PCDH15: variants seen among roughly 807,000 people sequenced by gnomAD.
PCDH15 encodes protocadherin-15.
Under a neutral mutation model 178.5 loss-of-function variants are expected in PCDH15, and 129 were observed. That is an observed-to-expected ratio of 0.72 (90% CI 0.63 to 0.84). PCDH15 has a LOEUF of 0.84. Ranked by LOEUF, PCDH15 falls within the 40% of genes least tolerant of loss-of-function variation. The pLI is 0.00. For missense variants in PCDH15, 2,230 were observed against 2,099.9 expected (o/e 1.06, Z -1.21); for synonymous variants, 800 against 732.0 (o/e 1.09, Z -1.50).
chr10:55,351,303 T>C (rs1268747018), intron 2 of PCDH15, among the ~76,000 whole-genome samples: 2 of 151,852 alleles, frequency 1.3e-5, no homozygotes, highest in African/African-American at 4.8e-5. Context: ...CTATTTGAAA[T>C]TGGCTTCAGA....
chr10:55,238,897 C>A (rs1219237640), intron 1 of PCDH15, among the ~76,000 whole-genome samples: 2 of 151,976 alleles, frequency 1.3e-5, no homozygotes, highest in African/African-American at 4.8e-5. Flanking sequence ...AAGCACAATT[C>A]CACTCTTTTA....
chr10:55,227,781 GAC>G (rs950487422), intron 1 of PCDH15, among the ~76,000 whole-genome samples: 2 of 152,098 alleles, frequency 1.3e-5, no homozygotes, highest in African/African-American at 4.8e-5. Context: ...TCATTAACAA[GAC>G]ACATGTATTA....
At chr10:55,042,767 A>T (rs1564742324) in intron 2 of PCDH15, among the ~76,000 whole-genome samples, 2 of 152,180 alleles carry the variant, frequency 1.3e-5, no homozygotes, top group Non-Finnish European at 1.5e-5. Context: ...AGTGACAGAG[A>T]AGAGGCCGCC....
chr10:54,951,568 G>T (rs895295209), intron 2 of PCDH15, among the ~76,000 whole-genome samples: 22 of 151,880 alleles, frequency 1.4e-4, no homozygotes, highest in African/African-American at 5.1e-4. Context: ...CCACATATGG[G>T]CAAAGATGAA....
At chr10:54,742,237 C>T (rs1007130851) in intron 1 of PCDH15, among the ~76,000 whole-genome samples, 4 of 151,970 alleles carry the variant, frequency 2.6e-5, no homozygotes, top group African/African-American at 9.7e-5. Flanking sequence ...AAGAAGTGGT[C>T]TATGTGGGAG....
intron 20 of PCDH15, among the ~76,000 whole-genome samples, chr10:54,009,688 C>T (rs1322744982): frequency 6.6e-6 from 1 of 152,188 alleles, no homozygotes; most frequent in African/African-American, 2.4e-5. Context: ...ACTGCCCACC[C>T]TGGGGTGGCA....
chr10:54,601,542 ATATG>A (rs2092533886), intron 2 of PCDH15, among the ~76,000 whole-genome samples: 1 of 152,022 alleles, frequency 6.6e-6, no homozygotes, highest in Non-Finnish European at 1.5e-5. Flanking sequence ...AGAAAGTAGC[ATATG>A]TTGGCCTGGT....
intron 2 of PCDH15, among the ~76,000 whole-genome samples, chr10:55,558,856 T>C (rs1472571976): frequency 6.6e-6 from 1 of 152,156 alleles, no homozygotes; most frequent in Non-Finnish European, 1.5e-5. Context: ...ATGTATTTGT[T>C]ATTTTTGTTG....
At chr10:54,703,126 C>T (rs1297794918) in intron 1 of PCDH15, among the ~76,000 whole-genome samples, 1 of 151,988 alleles carries the variant, frequency 6.6e-6, no homozygotes, top group African/African-American at 2.4e-5. Flanking sequence ...CACAACAAAT[C>T]CACATGATCA....
In PCDH15 at chr10:54,692,100, T is replaced by C. The variant is rs958710159; in HGVS notation, c.-28-27810A>G. 1.1e-4 allele frequency among the ~76,000 whole-genome samples: 16 copies of C among 152,294 alleles called. No homozygotes were observed. In the South Asian group the frequency reaches 3.3e-3, roughly 32 times the overall value. On this transcript the variant is annotated intron_variant, in intron 1 of 37. Coordinates refer to ENST00000644397, the MANE Select transcript of PCDH15 (RefSeq NM_001384140.1). Reference sequence around the variant, plus strand: ...TGCTGCTGAGAGGAAAATAAGAATATGCAATTTGAAGGCATGGCTTGTAGT... The same window carrying C: ...TGCTGCTGAGAGGAAAATAAGAATACGCAATTTGAAGGCATGGCTTGTAGT...
chr10:53,875,443 C>T (rs142959201), intron 26 of PCDH15, among the ~76,000 whole-genome samples: 2,169 of 151,928 alleles, frequency 0.014, 20 homozygotes, highest in Non-Finnish European at 0.024. Context: ...ACTGTGGAAA[C>T]GCTAAATGAA....
At chr10:53,982,822 A>G (rs2090775472) in intron 21 of PCDH15, among the ~76,000 whole-genome samples, 1 of 151,156 alleles carries the variant, frequency 6.6e-6, no homozygotes, top group Non-Finnish European at 1.5e-5. Flanking sequence ...AAGTATAATA[A>G]TAATAAAAAA....
At chr10:55,294,464 G>A (rs576623212) in intron 1 of PCDH15, among the ~76,000 whole-genome samples, 1 of 152,290 alleles carries the variant, frequency 6.6e-6, no homozygotes, top group Non-Finnish European at 1.5e-5. Context: ...TGATCCCAGG[G>A]AGATGTTCTG....
chr10:53,934,046 T>A (rs1315763370), intron 25 of PCDH15, among the ~76,000 whole-genome samples: 1 of 152,196 alleles, frequency 6.6e-6, no homozygotes, highest in Non-Finnish European at 1.5e-5. Context: ...TAAATTTGTT[T>A]GAGTTCATTG....
At chr10:54,567,527 A>T (rs1453736001) in intron 2 of PCDH15, among the ~76,000 whole-genome samples, 1 of 152,146 alleles carries the variant, frequency 6.6e-6, no homozygotes, top group Non-Finnish European at 1.5e-5. Context: ...AACCATTATG[A>T]AATAGTTGTA....
At chr10:54,065,868 G>A (rs905197278) in intron 18 of PCDH15, among the ~76,000 whole-genome samples, 1 of 152,190 alleles carries the variant, frequency 6.6e-6, no homozygotes, top group Admixed American at 6.5e-5. Flanking sequence ...GTTTAAAGGA[G>A]ATTGAGCTAA....
chr10:55,590,041 T>C (rs1377784768), intron 2 of PCDH15, among the ~76,000 whole-genome samples: 1 of 147,498 alleles, frequency 6.8e-6, no homozygotes, highest in Non-Finnish European at 1.5e-5. Context: ...CTATTCACAA[T>C]AGCAAAGACT....
At chr10:54,627,146 A>G (rs1324893045) in intron 2 of PCDH15, among the ~76,000 whole-genome samples, 2 of 152,182 alleles carry the variant, frequency 1.3e-5, no homozygotes, top group Non-Finnish European at 2.9e-5. Flanking sequence ...TTACAGGCTC[A>G]TAGGCAGAAG....
intron 4 of PCDH15, among the ~76,000 whole-genome samples, chr10:54,374,161 T>C: frequency 6.6e-6 from 1 of 152,038 alleles, no homozygotes; most frequent in East Asian, 1.9e-4. Flanking sequence ...TTAGTTTATA[T>C]GAGTGATGAC....
Sources: allele counts gnomAD v4.1 joint callset (sites outside exome capture counted in the v4.1 genomes callset), GRCh38; gene constraint gnomAD v4.1.1; transcripts MANE v1.5; gene names NCBI Gene and HGNC (gene_info 2026-07-23, HGNC 2026-07-21).